The following CFAP69 variants were observed in gnomAD, a reference collection of about 807,000 sequenced individuals.
The protein encoded by CFAP69 is cilia and flagella associated protein 69, also known as cilia- and flagella-associated protein 69.
In CFAP69, 92 loss-of-function variants were observed where a neutral mutation model predicts 123.0. That is an observed-to-expected ratio of 0.75 (90% CI 0.63 to 0.89). The LOEUF (loss-of-function observed/expected upper bound fraction) is 0.89, where lower values mean the gene tolerates loss of function less well. Ranked by LOEUF, CFAP69 falls within the 40% of genes least tolerant of loss-of-function variation. The pLI is 0.00. For synonymous variants in CFAP69, 380 were observed against 364.3 expected (o/e 1.04, Z -0.49); for missense variants, 1,067 against 1,096.9 (o/e 0.97, Z 0.39).
At position 90,274,040 on chromosome 7, in the gene CFAP69, A is replaced by T. The variant is rs1273814375; in HGVS notation, c.914A>T (p.Asp305Val). The T allele has an allele frequency of 6.2e-7, 1 of 1,607,156 alleles. No homozygotes were observed. The highest frequency in any genetic ancestry group is 8.5e-7 in the Non-Finnish European group (1 of 1,177,398). The change falls in exon 9 of 23, where the codon GAC (aspartate) becomes GTC (valine). Residue 305 changes from aspartate (D) to valine (V), a missense_variant. By Grantham distance (152) the Asp-to-Val change is radical. Transcript: ENST00000389297. ...TTTATGAGAGGTTTCAGTCATTATG[A>T]CCGTCAGCTTAGAAATGACATATTA... The part of the protein sequence containing the change: ...NLFMRGFSHY[D>V]RQLRNDILVI...
intron 15 of CFAP69, among the ~76,000 whole-genome samples, chr7:90,290,918 C>T (rs1791086309): frequency 6.6e-6 from 1 of 151,914 alleles, no homozygotes; most frequent in African/African-American, 2.4e-5. Context: ...TCTGTTGCAA[C>T]CACCAGTGAT....
chr7:90,301,152 A>G (rs942957040), intron 17 of CFAP69: 5 of 151,148 alleles, frequency 3.3e-5, no homozygotes, highest in African/African-American at 9.7e-5. Context: ...TATTTTTTTA[A>G]TTAGAGACAG....
At chr7:90,265,649 T>G (rs571250620) in intron 5 of CFAP69, among the ~76,000 whole-genome samples, 7 of 152,364 alleles carry the variant, frequency 4.6e-5, no homozygotes, top group Non-Finnish European at 7.3e-5. Flanking sequence ...TTTAATGAAG[T>G]GTTTGTTAAC....
At position 90,288,365 on chromosome 7, in the gene CFAP69, A is replaced by G. The variant is rs1374982293; in HGVS notation, c.1775+13A>G. The stretch of plus-strand genomic sequence containing the variant: ...TGGACAGCATTTGGTGAGTATTGCT[A>G]TAATCAAATTAGGTAGACTCACAGC... On this transcript the variant is annotated intron_variant, in intron 15 of 22. Transcript: ENST00000389297. 6.2e-7 allele frequency: 1 copy of G among 1,605,344 alleles called. No homozygotes were observed.
intron 13 of CFAP69, 78 bp downstream of exon 13, chr7:90,283,134 A>G: frequency 8.9e-7 from 1 of 1,124,502 alleles, no homozygotes. Context: ...ATGTTTTTCC[A>G]AAATTTATTT....
At chr7:90,304,221 T>A (rs1393829280) in intron 18 of CFAP69, 115 bp downstream of exon 18, 2 of 1,399,288 alleles carry the variant, frequency 1.4e-6, no homozygotes, top group Non-Finnish European at 1.9e-6. Flanking sequence ...TATAGAGAAA[T>A]TCATTTTCCA....
Position 90,307,038 on chromosome 7 carries a change from T to C in CFAP69, c.2403T>C (p.Ser801=). Residue 801 remains serine, a synonymous_variant, in exon 20 of 23, where the codon AGT becomes AGC. Transcript: ENST00000389297. ...NIGKMVASLQ[S]DIIESQACQD... is the part of the protein sequence containing the mutation. ...GAAAGATGGTTGCTTCTCTGCAAAG[T>C]GATATAATTGAAAGCCAAGCATGCC... The C allele has an allele frequency of 6.2e-7, 1 of 1,613,208 alleles. No homozygotes were observed. The highest frequency in any genetic ancestry group is 8.5e-7 in the Non-Finnish European group (1 of 1,179,760).
chr7:90,317,145 A>G, the CFAP69 span: 1 of 152,124 alleles, frequency 6.6e-6, no homozygotes, highest in Non-Finnish European at 1.5e-5. Flanking sequence ...CAGATGTTCA[A>G]TATGGAGATG....
chr7:90,280,293 G>A (rs896216340), intron 12 of CFAP69, among the ~76,000 whole-genome samples: 1 of 152,128 alleles, frequency 6.6e-6, no homozygotes, highest in Admixed American at 6.6e-5. Flanking sequence ...AACCTCCTGG[G>A]CTCTAGCGAT....
At chr7:90,248,782 C>T (rs982226024) in intron 1 of CFAP69, among the ~76,000 whole-genome samples, 2 of 152,110 alleles carry the variant, frequency 1.3e-5, no homozygotes, top group African/African-American at 4.8e-5. Context: ...AGTTTCGAAA[C>T]AATAAAATAG....
intron 12 of CFAP69, among the ~76,000 whole-genome samples, chr7:90,280,654 A>G (rs891102086): frequency 8.5e-5 from 13 of 152,240 alleles, no homozygotes; most frequent in African/African-American, 3.1e-4. Flanking sequence ...CTCTAGCCAG[A>G]AGTAATGACT....
intron 17 of CFAP69, chr7:90,301,267 C>G (rs868664484): frequency 2.0e-5 from 3 of 152,056 alleles, no homozygotes; most frequent in Non-Finnish European, 4.4e-5. Flanking sequence ...CCACTGCACC[C>G]CGCCTACATA....
intron 16 of CFAP69, among the ~76,000 whole-genome samples, chr7:90,298,754 A>G (rs1792355346): frequency 6.6e-6 from 1 of 152,210 alleles, no homozygotes. Flanking sequence ...TATATATTAT[A>G]GATTAAATAT....
At chr7:90,307,438 A>G (rs1793767534) in intron 20 of CFAP69, among the ~76,000 whole-genome samples, 1 of 152,190 alleles carries the variant, frequency 6.6e-6, no homozygotes, top group Non-Finnish European at 1.5e-5. Context: ...AATAATTTCA[A>G]TGTATAAACC....
intron 15 of CFAP69, among the ~76,000 whole-genome samples, chr7:90,295,395 T>C (rs1006096941): frequency 6.6e-6 from 1 of 152,162 alleles, no homozygotes; most frequent in Non-Finnish European, 1.5e-5. Context: ...TCTAACCCAA[T>C]GCCATCCTTC....
In CFAP69 at chr7:90,245,183, C is replaced by G; in HGVS notation, c.-242C>G. On this transcript the variant is annotated 5_prime_UTR_variant, in exon 1 of 23. Coordinates refer to ENST00000389297, the MANE Select transcript of CFAP69 (RefSeq NM_001039706.3). Reference sequence around the variant, plus strand: ...TCTGGCCCCGCCCCCTAGCAACGCGCTGGCTTGTGTTAACAACCGGCCCGG... The same window carrying G: ...TCTGGCCCCGCCCCCTAGCAACGCGGTGGCTTGTGTTAACAACCGGCCCGG... 2.5e-6 allele frequency: 1 copy of G among 406,238 alleles called. No homozygotes were observed. Among genetic ancestry groups the G allele is most frequent in the East Asian group, 4.0e-5 (1 of 24,862 alleles). The allele number at this position is 406,238 out of a possible 1,614,324, so 25.2% of individuals were successfully genotyped here.
intron 17 of CFAP69, chr7:90,303,104 C>T (rs911625312): frequency 2.0e-5 from 3 of 151,976 alleles, no homozygotes; most frequent in African/African-American, 7.3e-5. Context: ...GTGTTTCTGA[C>T]TTGGCTGTTG....
chr7:90,259,142 A>G (rs962578106), intron 3 of CFAP69, among the ~76,000 whole-genome samples: 3 of 152,108 alleles, frequency 2.0e-5, no homozygotes, highest in African/African-American at 7.2e-5. Flanking sequence ...GCCAGGTGTG[A>G]TGGCTTACAC....
Position 90,271,690 on chromosome 7 carries a change from A to C in CFAP69, c.682+15A>C. 1 of 1,608,064 alleles carries C rather than the reference A, an allele frequency of 6.2e-7. No homozygotes were observed. The highest frequency in any genetic ancestry group is 8.5e-7 in the Non-Finnish European group (1 of 1,177,356). The stretch of plus-strand genomic sequence containing the variant: ...CTCAACTTCTGGTTTGTATATTATT[A>C]AGTTTAAACACTTCATTGTCAACTA... On this transcript the variant is annotated intron_variant, in intron 7 of 22. Coordinates refer to ENST00000389297, the MANE Select transcript of CFAP69 (RefSeq NM_001039706.3).
Sources: gnomAD v4.1 joint callset for allele counts (sites outside exome capture counted in the v4.1 genomes callset) on GRCh38, gnomAD v4.1.1 for gene constraint, MANE v1.5 for transcripts, NCBI Gene and HGNC (gene_info 2026-07-23, HGNC 2026-07-21) for gene names.